The following CA5A variants were observed in gnomAD, a reference collection of about 807,000 sequenced individuals.
CA5A encodes carbonic anhydrase 5A, mitochondrial.
Under a neutral mutation model 37.1 loss-of-function variants are expected in CA5A, and 28 were observed. That is an observed-to-expected ratio of 0.75 (90% CI 0.56 to 1.03). CA5A has a LOEUF of 1.03. CA5A is among the 50% of genes least tolerant of loss of function. CA5A has a pLI of 0.00. For synonymous variants in CA5A, 171 were observed against 158.4 expected, an observed-to-expected ratio of 1.08 and a Z score of -0.60; for missense variants, 444 against 399.9, an observed-to-expected ratio of 1.11 and a Z score of -0.94.
At chr16:87,936,285 T>C (rs370473501) in intron 1 of CA5A, 24 bp downstream of exon 1, 16 of 1,566,896 alleles carry the variant, frequency 1.0e-5, no homozygotes, top group South Asian at 2.2e-5. Context: ...AGTCGCATCT[T>C]AGGAAATTTG....
chr16:87,896,473 T>C (rs1168104488), intron 5 of CA5A, among the ~76,000 whole-genome samples: 2 of 152,192 alleles, frequency 1.3e-5, no homozygotes, highest in Non-Finnish European at 2.9e-5. Context: ...CCTTCCTTTA[T>C]GCATGTGGTG....
intron 2 of CA5A, among the ~76,000 whole-genome samples, chr16:87,917,781 CACACATGT>C (rs1488535750): frequency 6.9e-6 from 1 of 144,072 alleles, no homozygotes; most frequent in Non-Finnish European, 1.5e-5. Flanking sequence ...TGCACACATG[CACACATGT>C]ATACACAGTG....
At chr16:87,912,640 G>A (rs1443263103) in intron 2 of CA5A, among the ~76,000 whole-genome samples, 1 of 152,262 alleles carries the variant, frequency 6.6e-6, no homozygotes, top group Admixed American at 6.5e-5. Context: ...ATCCAGGAGG[G>A]GCAGACGGTG....
At chr16:87,921,667 C>T (rs889077140) in intron 2 of CA5A, among the ~76,000 whole-genome samples, 5 of 152,114 alleles carry the variant, frequency 3.3e-5, no homozygotes, top group Non-Finnish European at 7.3e-5. Context: ...CCAAGGAAAA[C>T]AGGAATGTTG....
At chr16:87,897,391 T>G (rs1337231242) in intron 5 of CA5A, among the ~76,000 whole-genome samples, 1 of 152,174 alleles carries the variant, frequency 6.6e-6, no homozygotes, top group Non-Finnish European at 1.5e-5. Flanking sequence ...AGCCTTGAGG[T>G]CTCCATTCTG....
At chr16:87,896,784 G>A (rs1466315844) in intron 5 of CA5A, among the ~76,000 whole-genome samples, 8 of 152,182 alleles carry the variant, frequency 5.3e-5, no homozygotes, top group African/African-American at 7.2e-5. Context: ...GGGATTACAC[G>A]CATGCGCCAT....
Position 87,888,078 on chromosome 16 carries a change from A to G in CA5A, c.*51T>C, listed in dbSNP as rs762517598. On this transcript the variant is annotated 3_prime_UTR_variant, in exon 7 of 7. Transcript: ENST00000649794. ...ATCACATTGTGAAACTTGGGAAACA[A>G]CGCTTCCTTCCTTCAAAGTCAGTTC... 20 of 1,534,002 alleles carry G rather than the reference A, an allele frequency of 1.3e-5. No individual in the cohort carries two copies. The highest frequency in any genetic ancestry group is 1.6e-5 in the Non-Finnish European group (18 of 1,137,412).
intron 2 of CA5A, among the ~76,000 whole-genome samples, chr16:87,918,329 C>T (rs1257577700): frequency 3.3e-5 from 5 of 152,188 alleles, no homozygotes; most frequent in African/African-American, 4.8e-5. Context: ...TGTGGCAGCG[C>T]GTGGATCTGG....
chr16:87,917,852 TGTA>T (rs1282898942), intron 2 of CA5A, among the ~76,000 whole-genome samples: 5 of 149,382 alleles, frequency 3.3e-5, no homozygotes, highest in African/African-American at 1.2e-4. Flanking sequence ...TGCACACACA[TGTA>T]GTCGCTTTAG....
At chr16:87,896,359 G>A (rs1045259627) in intron 5 of CA5A, among the ~76,000 whole-genome samples, 2 of 152,168 alleles carry the variant, frequency 1.3e-5, no homozygotes, top group African/African-American at 2.4e-5. Flanking sequence ...TTGCCTCATC[G>A]TCCCCAGGAG....
chr16:87,895,232 G>A (rs572910623), intron 5 of CA5A, among the ~76,000 whole-genome samples: 11 of 151,822 alleles, frequency 7.2e-5, no homozygotes, highest in South Asian at 2.1e-4. Context: ...CCTCGGTGAC[G>A]GAGTGAGATC....
In CA5A at chr16:87,918,901, C is replaced by T. The variant is rs182176642; in HGVS notation, c.340+7847G>A. On this transcript the variant is annotated intron_variant, in intron 2 of 6. Coordinates refer to ENST00000649794, the MANE Select transcript of CA5A (RefSeq NM_001739.2). Reference sequence around the variant, plus strand: ...AACCTGGAAAAATGGGCTGCAGAGACGGGGAGGGGACCGGGAGCACGTGAA... The same window carrying T: ...AACCTGGAAAAATGGGCTGCAGAGATGGGGAGGGGACCGGGAGCACGTGAA... 5.1e-4 allele frequency among the ~76,000 whole-genome samples: 78 copies of T among 152,056 alleles called. 1 individual carries two copies. Among genetic ancestry groups the T allele is most frequent in the Non-Finnish European group, 8.1e-4 (55 of 67,982 alleles).
At chr16:87,899,520 T>C (rs546668774) in intron 5 of CA5A, among the ~76,000 whole-genome samples, 337 of 150,420 alleles carry the variant, frequency 2.2e-3, no homozygotes, top group African/African-American at 7.9e-3. Flanking sequence ...CCAGGCTGGT[T>C]TTGAACACCT....
chr16:87,920,679 G>A lies in CA5A; in HGVS notation c.340+6069C>T, dbSNP rs181814785. Among the ~76,000 whole-genome samples, 8 of 151,338 alleles carry A rather than the reference G, an allele frequency of 5.3e-5. No individual in the cohort carries two copies. In the East Asian group the frequency reaches 7.8e-4, roughly 15 times the overall value. On this transcript the variant is annotated intron_variant, in intron 2 of 6. Coordinates refer to ENST00000649794, the MANE Select transcript of CA5A (RefSeq NM_001739.2). The stretch of plus-strand genomic sequence containing the variant: ...GTTGCCCAGGCTGGAGTGCAGTGGC[G>A]TGATCTCGACTCACTTACAACTTCC...
intron 6 of CA5A, among the ~76,000 whole-genome samples, chr16:87,890,364 CT>C (rs1567513666): frequency 2.0e-5 from 3 of 152,184 alleles, no homozygotes; most frequent in Non-Finnish European, 2.9e-5. Flanking sequence ...CAACAAAAGC[CT>C]TCCCCGTTTG....
At chr16:87,897,971 C>T (rs938972617) in intron 5 of CA5A, among the ~76,000 whole-genome samples, 2 of 152,132 alleles carry the variant, frequency 1.3e-5, no homozygotes, top group East Asian at 1.9e-4. Flanking sequence ...AACAGGATGC[C>T]GCAGGAGCAG....
In CA5A at chr16:87,929,770, G is replaced by A. The variant is rs1417170800; in HGVS notation, c.143-2825C>T. ...GCCTGTAGTCCCAGCTACTCGGGAG[G>A]CTGAGGCAGCAGAATGGCGTGAGCC... On this transcript the variant is annotated intron_variant, in intron 1 of 6. Coordinates refer to ENST00000649794, the MANE Select transcript of CA5A (RefSeq NM_001739.2). Among the ~76,000 whole-genome samples the A allele has an allele frequency of 3.3e-5, 5 of 150,316 alleles. No homozygotes were observed. In the East Asian group the frequency reaches 9.9e-4, roughly 30 times the overall value.
chr16:87,934,398 G>T (rs1229519580), intron 1 of CA5A, among the ~76,000 whole-genome samples: 1 of 152,128 alleles, frequency 6.6e-6, no homozygotes, highest in Non-Finnish European at 1.5e-5. Flanking sequence ...GAGAATCCCT[G>T]TATCTACTAA....
In CA5A at chr16:87,911,425, G is replaced by A. The variant is rs568933808; in HGVS notation, c.341-6521C>T. Among the ~76,000 whole-genome samples the A allele has an allele frequency of 2.6e-4, 40 of 152,290 alleles. No homozygotes were observed. The South Asian group carries it at 6.8e-3, about 26-fold the overall frequency. ...GTTAATAGCCATCTATTTGTAGTTC[G>A]GGGCTTTTACCAAGATGAGCAGGCT... is the stretch of plus-strand genomic sequence containing the variant. On this transcript the variant is annotated intron_variant, in intron 2 of 6. Transcript: ENST00000649794. This position sits in a 1 kb window ranked among gnomAD's most constrained non-coding sequence, Gnocchi z 4.6.
Sources: allele counts gnomAD v4.1 joint callset (sites outside exome capture counted in the v4.1 genomes callset), GRCh38; gene constraint gnomAD v4.1.1; non-coding constraint Gnocchi (gnomAD v3.1); transcripts MANE v1.5; gene names NCBI Gene and HGNC (gene_info 2026-07-23, HGNC 2026-07-21).